The following EPHA6 variants were observed in gnomAD, a reference collection of about 807,000 sequenced individuals.
The protein encoded by EPHA6 is EPH receptor A6, also known as ephrin type-A receptor 6.
In EPHA6, 50 loss-of-function variants were observed where a neutral mutation model predicts 112.0. The observed-to-expected ratio is 0.45, with a 90% confidence interval of 0.36 to 0.56. EPHA6 has a LOEUF of 0.56. Among genes scored for constraint, EPHA6 ranks in the 20% least tolerant of loss-of-function variants. The probability of loss-of-function intolerance (pLI) is 0.00; values close to 1 mark genes in which losing one functional copy is unlikely to be tolerated. For synonymous variants in EPHA6, 529 were observed against 490.7 expected (o/e 1.08, Z -1.03); for missense variants, 1,280 against 1,417.4 (o/e 0.90, Z 1.56).
intron 11 of EPHA6, among the ~76,000 whole-genome samples, chr3:97,570,481 C>A (rs1330212857): frequency 6.6e-6 from 1 of 152,122 alleles, no homozygotes; most frequent in African/African-American, 2.4e-5. Flanking sequence ...CCTGTAATCC[C>A]AGTACTTTGG....
At chr3:97,499,399 AG>A (rs897502301) in intron 10 of EPHA6, among the ~76,000 whole-genome samples, 19 of 152,192 alleles carry the variant, frequency 1.2e-4, no homozygotes, top group African/African-American at 4.6e-4. Context: ...ATACTTTGGT[AG>A]TTTCTTACCT....
intron 11 of EPHA6, among the ~76,000 whole-genome samples, chr3:97,567,790 G>T (rs1315358024): frequency 6.6e-6 from 1 of 152,102 alleles, no homozygotes; most frequent in Non-Finnish European, 1.5e-5. Flanking sequence ...ATACTCACAG[G>T]TCCTGAAGAC....
chr3:96,966,061 G>A (rs1264093155), intron 2 of EPHA6, among the ~76,000 whole-genome samples: 2 of 152,016 alleles, frequency 1.3e-5, no homozygotes, highest in African/African-American at 2.4e-5. Flanking sequence ...ATATCAGTAA[G>A]ACAATTATTA....
At chr3:97,085,376 A>T (rs1317924262) in intron 3 of EPHA6, among the ~76,000 whole-genome samples, 1 of 152,116 alleles carries the variant, frequency 6.6e-6, no homozygotes, top group Non-Finnish European at 1.5e-5. Flanking sequence ...CTGAATCATA[A>T]TATCAAACTT....
At chr3:96,889,599 A>G (rs1196258448) in intron 2 of EPHA6, among the ~76,000 whole-genome samples, 1 of 152,130 alleles carries the variant, frequency 6.6e-6, no homozygotes, top group Non-Finnish European at 1.5e-5. Flanking sequence ...ATTATCTCCC[A>G]CCAGGTTCCT....
intron 1 of EPHA6, among the ~76,000 whole-genome samples, chr3:96,846,929 T>G (rs1009933796): frequency 2.6e-5 from 4 of 152,084 alleles, no homozygotes; most frequent in Admixed American, 6.6e-5. Flanking sequence ...TGTTTGACTT[T>G]TAGTTATCAA....
intron 15 of EPHA6, among the ~76,000 whole-genome samples, chr3:97,733,062 C>A (rs530934438): frequency 1.3e-5 from 2 of 151,944 alleles, no homozygotes; most frequent in Non-Finnish European, 2.9e-5. Context: ...AATTTCCAGG[C>A]AAGGGAACCT....
At chr3:96,915,632 C>T (rs1242121394) in intron 2 of EPHA6, among the ~76,000 whole-genome samples, 1 of 152,028 alleles carries the variant, frequency 6.6e-6, no homozygotes, top group Admixed American at 6.6e-5. Context: ...GTCAGTGAGT[C>T]AGGGTTTAAA....
At chr3:96,951,158 G>C (rs1362478503) in intron 2 of EPHA6, among the ~76,000 whole-genome samples, 1 of 151,992 alleles carries the variant, frequency 6.6e-6, no homozygotes, top group Middle Eastern at 3.2e-3. Flanking sequence ...GTTTTCTCCA[G>C]CATGGTCAGT....
chr3:96,947,230 G>A (rs1559614633), intron 2 of EPHA6, among the ~76,000 whole-genome samples: 1 of 152,084 alleles, frequency 6.6e-6, no homozygotes, highest in Admixed American at 6.5e-5. Flanking sequence ...ATTGCTTTTG[G>A]TGTTTTAGAC....
intron 15 of EPHA6, among the ~76,000 whole-genome samples, chr3:97,733,078 C>T (rs1296026952): frequency 6.6e-6 from 1 of 152,002 alleles, no homozygotes; most frequent in Non-Finnish European, 1.5e-5. Flanking sequence ...AACCTACCCG[C>T]TCATCACTCT....
chr3:97,624,297 T>C (rs1313728384), intron 13 of EPHA6, among the ~76,000 whole-genome samples: 1 of 151,684 alleles, frequency 6.6e-6, no homozygotes, highest in African/African-American at 2.4e-5. Context: ...ATTTAGATCA[T>C]TGTGGAGATC....
chr3:97,456,628 TAAC>T (rs2090696156), intron 7 of EPHA6, among the ~76,000 whole-genome samples: 1 of 152,144 alleles, frequency 6.6e-6, no homozygotes, highest in Non-Finnish European at 1.5e-5. Context: ...CATATATTAA[TAAC>T]AAGCAATCTG....
chr3:97,440,602 T>C (rs1483577192), intron 6 of EPHA6, among the ~76,000 whole-genome samples: 1 of 150,936 alleles, frequency 6.6e-6, no homozygotes, highest in East Asian at 1.9e-4. Flanking sequence ...ATTTTAATTT[T>C]ATATTAAATA....
rs141968778 is a variant in EPHA6, at chr3:97,499,366, C to T, written c.2200+15307C>T. On this transcript the variant is annotated intron_variant, in intron 10 of 17. Coordinates refer to ENST00000389672, the MANE Select transcript of EPHA6 (RefSeq NM_001080448.3). ...CATTAAGATCTGTATATCTTCTTCC[C>T]ACAAATATAGTCACTATGTTTTATA... Among the ~76,000 whole-genome samples the T allele has an allele frequency of 2.0e-3, 303 of 152,176 alleles. 2 individuals carry two copies. Among genetic ancestry groups the T allele is most frequent in the African/African-American group, 6.6e-3 (275 of 41,526 alleles).
Position 97,757,455 on chromosome 3 carries a change from C to T in EPHA6, c.*8754C>T, listed in dbSNP as rs1163253534. Among the ~76,000 whole-genome samples the T allele has an allele frequency of 1.3e-5, 2 of 151,276 alleles. No homozygotes were observed. The highest frequency in any genetic ancestry group is 2.4e-5 in the African/African-American group (1 of 41,292). On this transcript the variant is annotated 3_prime_UTR_variant, in exon 18 of 18. Transcript: ENST00000389672. ...TCCATATTATTAATCCTTTGTTTTC[C>T]AAGACATATATAATCAAAGAATTTG...
At chr3:97,563,240 G>A (rs1015849025) in intron 11 of EPHA6, among the ~76,000 whole-genome samples, 22 of 152,096 alleles carry the variant, frequency 1.4e-4, no homozygotes, top group Non-Finnish European at 2.2e-4. Context: ...ATTTGAAGTC[G>A]GATGTGAGGA....
chr3:97,168,735 G>T (rs2076608804), intron 3 of EPHA6, among the ~76,000 whole-genome samples: 1 of 152,038 alleles, frequency 6.6e-6, no homozygotes, highest in African/African-American at 2.4e-5. Context: ...CAGCCCCAAA[G>T]AATGGTCAGC....
At chr3:97,690,549 C>A (rs1192356836) in intron 14 of EPHA6, among the ~76,000 whole-genome samples, 3 of 151,766 alleles carry the variant, frequency 2.0e-5, no homozygotes, top group African/African-American at 7.3e-5. Context: ...CTCACTGCAA[C>A]CTCCACCTCC....
Sources: gnomAD v4.1 joint callset for allele counts (sites outside exome capture counted in the v4.1 genomes callset) on GRCh38, gnomAD v4.1.1 for gene constraint, MANE v1.5 for transcripts, NCBI Gene and HGNC (gene_info 2026-07-23, HGNC 2026-07-21) for gene names.